Variants in DAPK2 observed in about 807,000 individuals in gnomAD.
DAPK2 encodes the protein death associated protein kinase 2.
Under a neutral mutation model 44.1 loss-of-function variants are expected in DAPK2, and 35 were observed. The observed-to-expected ratio is 0.79, with a 90% CI of 0.61 to 1.05. DAPK2 has a LOEUF of 1.05. DAPK2 is among the 50% of genes least tolerant of loss of function. The pLI, the probability that DAPK2 is intolerant of heterozygous loss-of-function variation, is 0.00. For synonymous variants in DAPK2, 174 were observed against 182.6 expected, an observed-to-expected ratio of 0.95 and a Z score of 0.38; for missense variants, 453 against 483.2, an observed-to-expected ratio of 0.94 and a Z score of 0.59.
At chr15:64,031,271 C>T (rs781329184) in intron 1 of DAPK2, among the ~76,000 whole-genome samples, 23 of 150,824 alleles carry the variant, frequency 1.5e-4, no homozygotes, top group Non-Finnish European at 2.4e-4. Context: ...CTTGCTCTGT[C>T]GCCCAGGCAG....
chr15:64,001,256 C>T (rs1261711082), intron 1 of DAPK2, among the ~76,000 whole-genome samples: 1 of 151,768 alleles, frequency 6.6e-6, no homozygotes, highest in Non-Finnish European at 1.5e-5. Flanking sequence ...TGCTGTGCTG[C>T]GCCATCAGAT....
chr15:64,007,719 CTA>C (rs2141003177), intron 1 of DAPK2, among the ~76,000 whole-genome samples: 1 of 152,326 alleles, frequency 6.6e-6, no homozygotes, highest in East Asian at 1.9e-4. Flanking sequence ...GAGCATACAA[CTA>C]TGTTTGCTGT....
Position 63,939,252 on chromosome 15 carries a change from A to G in DAPK2, c.563T>C (p.Phe188Ser). 2 of 1,614,080 alleles carry G rather than the reference A, an allele frequency of 1.2e-6. No individual in the cohort carries two copies. The highest frequency in any genetic ancestry group is 1.7e-6 in the Non-Finnish European group (2 of 1,179,996). ...CTCACCAACAAATTCCGGCGTCCCA[A>G]AAATATTCTTAAATTCAACTCCATC... Residue 188 changes from phenylalanine to serine, a missense_variant, in exon 4 of 11, where the codon TTT becomes TCT. Transcript: ENST00000261891. This position sits in a 1 kb window ranked among gnomAD's most constrained non-coding sequence, Gnocchi z 4.3.
chr15:63,983,481 C>G (rs1567250996), intron 2 of DAPK2, 52 bp downstream of exon 3: 7 of 1,565,382 alleles, frequency 4.5e-6, no homozygotes, highest in Non-Finnish European at 6.1e-6. Flanking sequence ...TTCCACTGCT[C>G]TGCCTGCCCC....
chr15:63,943,953 C>T (rs1253282045), intron 3 of DAPK2, among the ~76,000 whole-genome samples: 2 of 152,174 alleles, frequency 1.3e-5, no homozygotes, highest in Admixed American at 6.5e-5. Flanking sequence ...GGGGCAACCT[C>T]GTGCCTGGCT....
At chr15:64,019,130 C>A (rs1250403272) in intron 1 of DAPK2, among the ~76,000 whole-genome samples, 2 of 152,174 alleles carry the variant, frequency 1.3e-5, no homozygotes, top group Non-Finnish European at 2.9e-5. Context: ...TCTAGTCAAT[C>A]CTCCAGAACT....
intron 2 of DAPK2, among the ~76,000 whole-genome samples, chr15:63,981,719 C>G (rs1017022594): frequency 2.0e-5 from 3 of 151,202 alleles, no homozygotes; most frequent in East Asian, 3.9e-4. Flanking sequence ...CAGAAAGGTG[C>G]ACTTGTCACT....
At chr15:64,010,988 G>C (rs1007057303) in intron 1 of DAPK2, among the ~76,000 whole-genome samples, 1 of 152,200 alleles carries the variant, frequency 6.6e-6, no homozygotes. Context: ...GTGGTCTCCT[G>C]TCTGGGGACA....
chr15:63,961,137 A>C (rs2077889000), intron 3 of DAPK2, among the ~76,000 whole-genome samples: 1 of 152,082 alleles, frequency 6.6e-6, no homozygotes, highest in Non-Finnish European at 1.5e-5. Flanking sequence ...TTGTTGGTTT[A>C]AAGTTGTTTT....
intron 3 of DAPK2, among the ~76,000 whole-genome samples, chr15:63,949,694 C>T (rs1380845): frequency 0.99 from 151,414 of 152,332 alleles, 75,256 homozygotes; most frequent in East Asian, 1. Context: ...TCAAAATCAG[C>T]TGGGGTCCAG....
At chr15:64,032,322 G>A (rs1351482032) in intron 1 of DAPK2, among the ~76,000 whole-genome samples, 1 of 152,200 alleles carries the variant, frequency 6.6e-6, no homozygotes, top group East Asian at 1.9e-4. Flanking sequence ...GGACCTTGAA[G>A]AAAAAGCATA....
intron 3 of DAPK2, chr15:63,942,092 G>T: frequency 4.5e-6 from 2 of 449,164 alleles, no homozygotes; most frequent in Non-Finnish European, 5.9e-6. Context: ...ACGCTGAATG[G>T]GGGTGGGAGC....
intron 1 of DAPK2, among the ~76,000 whole-genome samples, chr15:64,027,869 C>T (rs930878825): frequency 2.0e-5 from 3 of 152,134 alleles, no homozygotes; most frequent in African/African-American, 7.2e-5. Context: ...TGGTATGCAA[C>T]CTCTGGGAAT....
intron 1 of DAPK2, among the ~76,000 whole-genome samples, chr15:64,002,563 C>G (rs556591681): frequency 1.3e-5 from 2 of 152,188 alleles, no homozygotes; most frequent in Non-Finnish European, 2.9e-5. Flanking sequence ...CTAAACTCTC[C>G]CAGCTCCAGT....
At chr15:63,967,191 T>G (rs2078077940) in intron 3 of DAPK2, among the ~76,000 whole-genome samples, 1 of 151,328 alleles carries the variant, frequency 6.6e-6, no homozygotes, top group African/African-American at 2.4e-5. Context: ...AAAAAATAAA[T>G]AAATAAAATA....
rs948821453 is a variant in DAPK2, at chr15:63,912,753, C to T, written c.859-556G>A. Among the ~76,000 whole-genome samples the T allele has an allele frequency of 1.3e-5, 2 of 152,176 alleles. No individual in the cohort carries two copies. Among genetic ancestry groups the T allele is most frequent in the East Asian group, 1.9e-4 (1 of 5,204 alleles). On this transcript the variant is annotated intron_variant, in intron 8 of 10. Coordinates refer to ENST00000261891, the Ensembl canonical transcript of DAPK2. This position sits in a 1 kb window ranked among gnomAD's most constrained non-coding sequence, Gnocchi z 4.4. ...AGCTTGGGATGGCTTCTCTGAGCCTCAGTTTCCCCATCTGTAATATGGGGA... is the reference window on the plus strand; with the variant it reads ...AGCTTGGGATGGCTTCTCTGAGCCTTAGTTTCCCCATCTGTAATATGGGGA...
In DAPK2 at chr15:64,036,319, G is replaced by GTATATGTATATA. The variant is rs1555484563; in HGVS notation, c.92+3850_92+3851insTATATACATATA. ...TGTGTGTGTGTGTGTGTATATATAT[G>GTATATGTATATA]TATATATATATATATATACATATAT... On this transcript the variant is annotated intron_variant, in intron 1 of 10. Coordinates refer to ENST00000261891, the Ensembl canonical transcript of DAPK2. 7.4e-4 allele frequency among the ~76,000 whole-genome samples: 42 copies of GTATATGTATATA among 56,662 alleles called. 4 individuals are homozygous for GTATATGTATATA. The highest frequency in any genetic ancestry group is 5.6e-4 in the Non-Finnish European group (14 of 24,892). 37.2% of individuals were successfully genotyped at this position (56,662 alleles called of 152,430 possible).
chr15:63,962,007 C>T (rs989636424), intron 3 of DAPK2, among the ~76,000 whole-genome samples: 4 of 152,318 alleles, frequency 2.6e-5, no homozygotes, highest in East Asian at 1.9e-4. Flanking sequence ...GGTCTTTTCA[C>T]GTAGTCCATA....
chr15:64,000,180 T>C (rs1028774259), intron 1 of DAPK2, among the ~76,000 whole-genome samples: 2 of 121,504 alleles, frequency 1.6e-5, no homozygotes, highest in Non-Finnish European at 3.5e-5. Context: ...CTACTACTAC[T>C]ACTACTACAC....
Sources: gnomAD v4.1 joint callset for allele counts (sites outside exome capture counted in the v4.1 genomes callset) on GRCh38, gnomAD v4.1.1 for gene constraint, Gnocchi (gnomAD v3.1) non-coding constraint, MANE v1.5 for transcripts, NCBI Gene and HGNC (gene_info 2026-07-23, HGNC 2026-07-21) for gene names.